Variants in EIF4G3 observed in about 807,000 individuals in gnomAD.
The protein encoded by EIF4G3 is eIF-4-gamma 3.
A neutral mutation model predicts 186.4 loss-of-function variants in EIF4G3; 34 were observed. The ratio of observed to expected loss-of-function variants is 0.18; its 90% CI spans 0.14 to 0.24. The LOEUF is 0.24. Ranked by LOEUF, EIF4G3 falls within the 10% of genes least tolerant of loss-of-function variation. EIF4G3 has a pLI of 1.00. For missense variants in EIF4G3, 1,536 were observed against 1,948.5 expected (o/e 0.79, Z 3.99); for synonymous variants, 673 against 679.5 (o/e 0.99, Z 0.15).
chr1:20,819,024 T>A (rs1465669186), intron 33 of EIF4G3, among the ~76,000 whole-genome samples: 4 of 152,170 alleles, frequency 2.6e-5, no homozygotes, highest in African/African-American at 7.2e-5. Flanking sequence ...TGCCTCAGCC[T>A]CCCGAGCAGC....
intron 4 of EIF4G3, among the ~76,000 whole-genome samples, chr1:21,029,954 CAG>C (rs750855745): frequency 2.0e-5 from 3 of 152,148 alleles, no homozygotes; most frequent in Non-Finnish European, 2.9e-5. Flanking sequence ...CTCCTGGGCT[CAG>C]GGGATCCTCC....
chr1:21,172,037 A>C (rs993963803), intron 2 of EIF4G3, among the ~76,000 whole-genome samples: 2 of 151,274 alleles, frequency 1.3e-5, no homozygotes, highest in African/African-American at 4.9e-5. Context: ...CTCATACACT[A>C]ATTCCTTAGA....
chr1:20,909,778 ATTTT>A (rs35293207), intron 14 of EIF4G3, among the ~76,000 whole-genome samples: 2 of 129,356 alleles, frequency 1.5e-5, no homozygotes, highest in Admixed American at 7.9e-5. Flanking sequence ...CAATCTGCTA[ATTTT>A]TTTTTTTTTT....
At chr1:21,050,703 T>C (rs893543141) in intron 4 of EIF4G3, among the ~76,000 whole-genome samples, 163 bp downstream of exon 4, 2 of 152,248 alleles carry the variant, frequency 1.3e-5, no homozygotes, top group Non-Finnish European at 2.9e-5. Flanking sequence ...AATTTGTTAG[T>C]AGCCATCTTT....
At chr1:21,175,446 A>G (rs1182325578) in intron 2 of EIF4G3, 1 of 152,192 alleles carries the variant, frequency 6.6e-6, no homozygotes, top group Non-Finnish European at 1.5e-5. Flanking sequence ...TATTCAGCCT[A>G]ACACAAATCT....
intron 2 of EIF4G3, among the ~76,000 whole-genome samples, chr1:21,110,556 A>G (rs2096706357): frequency 6.6e-6 from 1 of 152,136 alleles, no homozygotes; most frequent in Admixed American, 6.5e-5. Flanking sequence ...CGGCCTTCCA[A>G]AGTGCTAGGA....
intron 14 of EIF4G3, among the ~76,000 whole-genome samples, chr1:20,939,177 T>G (rs181406435): frequency 1.3e-5 from 2 of 149,544 alleles, no homozygotes; most frequent in African/African-American, 4.9e-5. Flanking sequence ...TACTGTTGGA[T>G]TTTGAAGACT....
At chr1:21,067,715 T>A (rs2095297531) in intron 3 of EIF4G3, among the ~76,000 whole-genome samples, 1 of 152,178 alleles carries the variant, frequency 6.6e-6, no homozygotes, top group East Asian at 1.9e-4. Flanking sequence ...GTTGAGCTAT[T>A]TCCAAATCCT....
At chr1:21,019,264 G>C (rs919701377) in intron 4 of EIF4G3, among the ~76,000 whole-genome samples, 8 of 152,214 alleles carry the variant, frequency 5.3e-5, no homozygotes, top group Non-Finnish European at 7.3e-5. Flanking sequence ...TTTGTTTCAA[G>C]AGCACTTATT....
At chr1:21,054,805 A>G (rs1425533464) in intron 3 of EIF4G3, among the ~76,000 whole-genome samples, 1 of 151,852 alleles carries the variant, frequency 6.6e-6, no homozygotes, top group East Asian at 1.9e-4. Flanking sequence ...AGGATCAGCT[A>G]CCTGATCCCA....
At chr1:20,979,091 T>C (rs1337091090) in intron 10 of EIF4G3, among the ~76,000 whole-genome samples, 1 of 152,204 alleles carries the variant, frequency 6.6e-6, no homozygotes, top group Admixed American at 6.5e-5. Flanking sequence ...ATCTCAAAAC[T>C]TAATTTTTCT....
chr1:20,910,623 T>C, intron 14 of EIF4G3, among the ~76,000 whole-genome samples: 1 of 152,096 alleles, frequency 6.6e-6, no homozygotes, highest in Non-Finnish European at 1.5e-5. Flanking sequence ...AAAAACCTTC[T>C]TGATTATCTT....
At chr1:21,074,153 G>A (rs1283334830) in intron 3 of EIF4G3, among the ~76,000 whole-genome samples, 2 of 152,086 alleles carry the variant, frequency 1.3e-5, no homozygotes, top group Admixed American at 1.3e-4. Context: ...TCTCAACAGT[G>A]ACACTACTGC....
chr1:21,017,932 G>C (rs1391410568), intron 4 of EIF4G3, among the ~76,000 whole-genome samples: 1 of 151,820 alleles, frequency 6.6e-6, no homozygotes, highest in Non-Finnish European at 1.5e-5. Flanking sequence ...ACACAGTGTT[G>C]ACAATTACAT....
chr1:20,813,947 G>GTTTTTTTTTTTTTTTTTTTTTTT (rs576925301), intron 34 of EIF4G3, among the ~76,000 whole-genome samples: 3 of 77,330 alleles, frequency 3.9e-5, no homozygotes, highest in African/African-American at 5.1e-5. Flanking sequence ...ATGAGTCACT[G>GTTTTTTTTTTTTTTTTTTTTTTT]TTTTTTTTTT....
At chr1:21,094,456 T>C (rs1220093090) in intron 2 of EIF4G3, among the ~76,000 whole-genome samples, 1 of 151,774 alleles carries the variant, frequency 6.6e-6, no homozygotes, top group East Asian at 1.9e-4. Context: ...AAAGGATGAG[T>C]TCATGTCCTT....
chr1:21,025,769 T>C (rs1251787532), intron 4 of EIF4G3, among the ~76,000 whole-genome samples: 1 of 152,170 alleles, frequency 6.6e-6, no homozygotes, highest in East Asian at 1.9e-4. Flanking sequence ...AGAGTTTTAA[T>C]GTCAAAGAGA....
At chr1:20,976,879 T>A (rs150344706) in intron 10 of EIF4G3, among the ~76,000 whole-genome samples, 2 of 152,152 alleles carry the variant, frequency 1.3e-5, no homozygotes, top group African/African-American at 4.8e-5. Flanking sequence ...TCTACTAAAG[T>A]ACTAAAAATT....
At chr1:20,951,257 A>G (rs2096206317) in intron 12 of EIF4G3, among the ~76,000 whole-genome samples, 1 of 152,278 alleles carries the variant, frequency 6.6e-6, no homozygotes, top group Non-Finnish European at 1.5e-5. Flanking sequence ...TTAAGTAACT[A>G]TGCTTTTCAG....
Sources: gnomAD v4.1 joint callset for allele counts (sites outside exome capture counted in the v4.1 genomes callset) on GRCh38, gnomAD v4.1.1 for gene constraint, MANE v1.5 for transcripts, NCBI Gene and HGNC (gene_info 2026-07-23, HGNC 2026-07-21) for gene names.